Variants in SAV1 observed in about 807,000 individuals in gnomAD.
SAV1 encodes the protein protein salvador homolog 1.
A neutral mutation model predicts 47.3 loss-of-function variants in SAV1; 23 were observed. The observed-to-expected ratio is 0.49, with a 90% CI of 0.35 to 0.69. SAV1 has a LOEUF of 0.69. SAV1 is among the 30% of genes least tolerant of loss of function. The pLI is 0.01. For missense variants in SAV1, 448 were observed against 457.4 expected (o/e 0.98, Z 0.19); for synonymous variants, 155 against 159.2 (o/e 0.97, Z 0.20).
intron 3 of SAV1, 143 bp downstream of exon 3, chr14:50,644,601 C>A: frequency 1.4e-6 from 1 of 719,276 alleles, no homozygotes; most frequent in South Asian, 3.1e-5. Flanking sequence ...AAATGTATGT[C>A]CAGAGAAAAA....
chr14:50,644,913 C>T lies in SAV1; in HGVS notation c.637G>A (p.Gly213Arg). The T allele has an allele frequency of 6.2e-7, 1 of 1,614,106 alleles. No individual in the cohort carries two copies. ...TTATGATCTATATAATATTTTCTCCCTCTCATTGTCCAGTCCACAGACCAG... is the reference window on the plus strand; with the variant it reads ...TTATGATCTATATAATATTTTCTCCTTCTCATTGTCCAGTCCACAGACCAG... ...PGWSVDWTMR[G>R]RKYYIDHNTN... The change falls in exon 3 of 5, where the codon GGG becomes AGG. Residue 213 changes from glycine (G) to arginine (R), a missense_variant. Physicochemically the swap from Gly to Arg is moderately radical, Grantham distance 125. Transcript: ENST00000324679.
chr14:50,634,732 T>C lies in SAV1; in HGVS notation c.*451A>G, dbSNP rs1039986741. 2 of 159,534 alleles carry C rather than the reference T, an allele frequency of 1.3e-5. No homozygotes were observed. Among genetic ancestry groups the C allele is most frequent in the Non-Finnish European group, 2.7e-5 (2 of 73,212 alleles). The allele number at this position is 159,534 out of a possible 1,614,324, so 9.9% of individuals were successfully genotyped here. A position where few individuals can be genotyped will look rare whatever the true frequency, so the allele number is the denominator to read the frequency against. ...CAATAAGGTTCCAAATCCTATTTTA[T>C]ATTTCAACTACATCATGGTAATATT... is the stretch of plus-strand genomic sequence containing the variant. On this transcript the variant is annotated 3_prime_UTR_variant, in exon 5 of 5. Transcript: ENST00000324679.
intron 3 of SAV1, among the ~76,000 whole-genome samples, chr14:50,644,468 A>G (rs2039703866): frequency 6.6e-6 from 1 of 152,222 alleles, no homozygotes; most frequent in Non-Finnish European, 1.5e-5. Flanking sequence ...TTTTCTGGAC[A>G]CCTATAACAA....
rs991781386 is a variant in SAV1, at chr14:50,634,381, T to G, written c.*802A>C. On this transcript the variant is annotated 3_prime_UTR_variant, in exon 5 of 5. Transcript: ENST00000324679. ...TTTATTTTTTGAGACAAGGTCTGGC[T>G]CTCTCTCTCTCAGGCTGCAGTGCAA... 4 of 256,142 alleles carry G rather than the reference T, an allele frequency of 1.6e-5. No homozygotes were observed. Among genetic ancestry groups the G allele is most frequent in the African/African-American group, 6.8e-5 (3 of 44,168 alleles). The allele number at this position is 256,142 out of a possible 1,614,324, so 15.9% of individuals were successfully genotyped here. A position where few individuals can be genotyped will look rare whatever the true frequency, so the allele number is the denominator to read the frequency against.
At chr14:50,660,624 C>T (rs2039850886) in intron 2 of SAV1, among the ~76,000 whole-genome samples, 1 of 152,128 alleles carries the variant, frequency 6.6e-6, no homozygotes, top group Admixed American at 6.5e-5. Context: ...GTGTTGGGAA[C>T]ATTTCAAGTC....
intron 3 of SAV1, 28 bp downstream of exon 3, chr14:50,644,716 A>T: frequency 6.3e-7 from 1 of 1,585,712 alleles, no homozygotes; most frequent in Non-Finnish European, 8.6e-7. Context: ...CCCGAAACAA[A>T]AAGTTGAAAA....
intron 2 of SAV1, among the ~76,000 whole-genome samples, chr14:50,653,618 C>T (rs1471559276): frequency 6.6e-6 from 1 of 152,148 alleles, no homozygotes; most frequent in Admixed American, 6.6e-5. Flanking sequence ...CACCTGTAAT[C>T]CCAGCACTTT....
intron 2 of SAV1, among the ~76,000 whole-genome samples, chr14:50,651,695 C>G (rs749016051): frequency 6.6e-6 from 1 of 152,160 alleles, no homozygotes; most frequent in African/African-American, 2.4e-5. Context: ...GGCACAATTA[C>G]GGCTCACTGC....
chr14:50,665,519 A>G lies in SAV1; in HGVS notation c.195T>C (p.Asp65=). 4 of 1,614,058 alleles carry G rather than the reference A, an allele frequency of 2.5e-6. No homozygotes were observed. The highest frequency in any genetic ancestry group is 3.4e-6 in the Non-Finnish European group (4 of 1,179,932). Residue 65 remains aspartate (D), a synonymous_variant, in exon 2 of 5, where the codon GAT becomes GAC. Transcript: ENST00000324679. Reference sequence around the variant, plus strand: ...GGAAACTCTGGTTTCTTGAAACTACATCTCCAGAAGTTGAAAAGGCATTAG... The same window carrying G: ...GGAAACTCTGGTTTCTTGAAACTACGTCTCCAGAAGTTGAAAAGGCATTAG... The part of the protein sequence containing the change: ...SSPNAFSTSG[D]VVSRNQSFLR...
intron 2 of SAV1, among the ~76,000 whole-genome samples, chr14:50,650,762 C>A (rs1303020048): frequency 1.3e-5 from 2 of 152,194 alleles, no homozygotes; most frequent in Admixed American, 1.3e-4. Flanking sequence ...TGGCTCACAC[C>A]TGTAATCCCA....
intron 2 of SAV1, among the ~76,000 whole-genome samples, chr14:50,658,967 T>A (rs2039835682): frequency 6.6e-6 from 1 of 152,134 alleles, no homozygotes; most frequent in African/African-American, 2.4e-5. Context: ...AAAGTACTAC[T>A]TTTTTCTACA....
At chr14:50,651,589 G>A (rs1037739473) in intron 2 of SAV1, among the ~76,000 whole-genome samples, 1 of 152,142 alleles carries the variant, frequency 6.6e-6, no homozygotes, top group African/African-American at 2.4e-5. Flanking sequence ...GCATACTTCA[G>A]AAAAATTAAT....
rs779573144 is a variant in SAV1, at chr14:50,665,472, G to A, written c.242C>T (p.Thr81Ile). 3.1e-6 allele frequency: 5 copies of A among 1,613,934 alleles called. No individual in the cohort carries two copies. In the South Asian group the frequency reaches 5.5e-5, roughly 18 times the overall value. Reference sequence around the variant, plus strand: ...TTCTCTTCTCATTATTTCATGAGGTGTTCTTTGAATTGGAGTTCTAAGGAA... The same window carrying A: ...TTCTCTTCTCATTATTTCATGAGGTATTCTTTGAATTGGAGTTCTAAGGAA... Reference protein sequence around the residue: ...QSFLRTPIQRTPHEIMRRESN... With the variant: ...QSFLRTPIQRIPHEIMRRESN... The change falls in exon 2 of 5, where the codon ACA (threonine) becomes ATA (isoleucine). Residue 81 changes from threonine (T) to isoleucine (I), a missense_variant. Thr to Ile is a moderately conservative substitution (Grantham distance 89). Transcript: ENST00000324679.
intron 3 of SAV1, among the ~76,000 whole-genome samples, chr14:50,641,360 T>C (rs924381178): frequency 6.0e-5 from 9 of 150,838 alleles, no homozygotes; most frequent in Admixed American, 5.3e-4. Flanking sequence ...GGAGTCAGAG[T>C]TGATCAGAAC....
chr14:50,642,854 CAACTGGGGGTG>C (rs901704333), intron 3 of SAV1, among the ~76,000 whole-genome samples: 1 of 152,178 alleles, frequency 6.6e-6, no homozygotes, highest in Non-Finnish European at 1.5e-5. Flanking sequence ...TTTGATAGTA[CAACTGGGGGTG>C]AAGAAGAATT....
intron 2 of SAV1, among the ~76,000 whole-genome samples, chr14:50,654,324 C>T (rs2039794445): frequency 6.6e-6 from 1 of 152,210 alleles, no homozygotes; most frequent in African/African-American, 2.4e-5. Context: ...TTTACAGCTT[C>T]TTCACCAGGA....
chr14:50,667,809 C>G (rs1236407918), intron 1 of SAV1, 65 bp downstream of exon 1: 18 of 1,393,182 alleles, frequency 1.3e-5, no homozygotes, highest in South Asian at 2.4e-5. Context: ...CCGGCGCCCC[C>G]GCCAGGGTCC....
At chr14:50,639,626 G>C (rs977116343) in intron 4 of SAV1, among the ~76,000 whole-genome samples, 1 of 152,128 alleles carries the variant, frequency 6.6e-6, no homozygotes, top group Non-Finnish European at 1.5e-5. Flanking sequence ...AATTCAAAAA[G>C]ACTATAATCT....
At chr14:50,663,615 T>C (rs2039877644) in intron 2 of SAV1, among the ~76,000 whole-genome samples, 2 of 152,162 alleles carry the variant, frequency 1.3e-5, no homozygotes, top group South Asian at 4.1e-4. Context: ...CCACATTATT[T>C]TTAAAACTTC....
Sources: allele counts gnomAD v4.1 joint callset (sites outside exome capture counted in the v4.1 genomes callset), GRCh38; gene constraint gnomAD v4.1.1; transcripts MANE v1.5; gene names NCBI Gene and HGNC (gene_info 2026-07-23, HGNC 2026-07-21).